NTRK1: variants seen among roughly 807,000 people sequenced by gnomAD.
NTRK1 encodes the protein neurotrophic receptor tyrosine kinase 1.
NTRK1 carries 62 observed loss-of-function variants against 86.8 expected under a neutral mutation model. The ratio of observed to expected loss-of-function variants is 0.71; its 90% CI spans 0.58 to 0.88. The LOEUF (loss-of-function observed/expected upper bound fraction) is 0.88. Ranked by LOEUF, NTRK1 falls within the 40% of genes least tolerant of loss-of-function variation. The pLI, the probability that NTRK1 is intolerant of heterozygous loss-of-function variation, is 0.00. For synonymous variants in NTRK1, 469 were observed against 456.6 expected (o/e 1.03, Z -0.35); for missense variants, 967 against 1,078.4 (o/e 0.90, Z 1.45).
intron 1 of NTRK1, among the ~76,000 whole-genome samples, chr1:156,839,358 G>T (rs1654692963): frequency 6.6e-6 from 1 of 152,270 alleles, no homozygotes; most frequent in African/African-American, 2.4e-5. Flanking sequence ...GCCCCTGGGG[G>T]CAGGAAGCTA....
chr1:156,833,091 A>G (rs1299242773), intron 1 of NTRK1, among the ~76,000 whole-genome samples: 1 of 152,250 alleles, frequency 6.6e-6, no homozygotes, highest in African/African-American at 2.4e-5. Context: ...TACACCAAGT[A>G]GGCAGCATGA....
intron 15 of NTRK1, 94 bp from the exon 16 acceptor site, chr1:156,879,905 T>C: frequency 6.7e-7 from 1 of 1,491,780 alleles, no homozygotes; most frequent in Non-Finnish European, 9.2e-7. Context: ...ACCGAGCTTG[T>C]GTATTTATTT....
intron 2 of NTRK1, chr1:156,846,603 G>A (rs762538907): frequency 7.4e-6 from 12 of 1,613,968 alleles, no homozygotes; most frequent in Admixed American, 3.3e-5. Flanking sequence ...GTGATGGCCC[G>A]CACAAACACT....
chr1:156,851,683 A>G (rs1488341681), intron 2 of NTRK1: 7 of 1,614,084 alleles, frequency 4.3e-6, no homozygotes, highest in South Asian at 1.1e-5. Context: ...TTCCCTCCAC[A>G]TGCGTGCAGC....
At chr1:156,815,989 C>T in intron 1 of NTRK1, 2 of 1,613,086 alleles carry the variant, frequency 1.2e-6, no homozygotes, top group Non-Finnish European at 1.7e-6. Context: ...ACGCTGCCGC[C>T]CCAGGTTTCC....
Position 156,839,023 on chromosome 1 carries a change from C to T in NTRK1, c.-63-3058C>T, listed in dbSNP as rs115937309. ...ACCCAGCAACAGAAGGCAGGGAAGC[C>T]CAAACTCCCCAACTTTTTCCCTTAG... On this transcript the variant is annotated intron_variant, in intron 1 of 16. Transcript: ENST00000392302. Among the ~76,000 whole-genome samples, 959 of 152,342 alleles carry T rather than the reference C, an allele frequency of 6.3e-3. 2 individuals are homozygous for T. Among genetic ancestry groups the T allele is most frequent in the Middle Eastern group, 0.027 (8 of 294 alleles).
At chr1:156,878,672 T>C (rs971948178) in intron 14 of NTRK1, among the ~76,000 whole-genome samples, 3 of 152,098 alleles carry the variant, frequency 2.0e-5, no homozygotes, top group African/African-American at 4.8e-5. Context: ...CCCGTAGGAA[T>C]GGCTGGACAC....
intron 6 of NTRK1, 148 bp from the exon 7 acceptor site, chr1:156,871,475 C>T (rs1647547312): frequency 1.3e-6 from 1 of 777,608 alleles, no homozygotes; most frequent in Non-Finnish European, 2.1e-6. Context: ...TTATCTGCTA[C>T]ATTCTCTCCC....
Position 156,868,505 on chromosome 1 carries a change from G to T in NTRK1, c.575G>T (p.Gly192Val). The change falls in exon 6 of 17, where the codon GGT becomes GTT. Residue 192 changes from glycine (G) to valine (V), a missense_variant and splice_region_variant. Gly to Val is a moderately radical substitution (Grantham distance 109). This residue lies in a region of NTRK1 where 330 missense variants were observed against 302.0 expected (regional missense o/e 1.09). Coordinates refer to ENST00000524377, the MANE Select transcript of NTRK1 (RefSeq NM_002529.4). ...GCCCTCGGGCGTCCTGGGTGGCCAG[G>T]TGTGCCCACGCTGAAGGTCCAGGTG... The part of the protein sequence containing the change: ...PLAHMPNASC[G>V]VPTLKVQVPN... The T allele has an allele frequency of 6.4e-7, 1 of 1,557,440 alleles. No individual in the cohort carries two copies. Among genetic ancestry groups the T allele is most frequent in the South Asian group, 1.2e-5 (1 of 84,472 alleles).
rs528459873 is a variant in NTRK1, at chr1:156,844,474, T to A, written c.50+2281T>A. ...AGGCTGTGTATACCTGGGCCAAGGATGTAGAAGGCAACACTGTCTGTCCAA... is the reference window on the plus strand; with the variant it reads ...AGGCTGTGTATACCTGGGCCAAGGAAGTAGAAGGCAACACTGTCTGTCCAA... On this transcript the variant is annotated intron_variant, in intron 2 of 16. Transcript: ENST00000392302. 1.9e-6 allele frequency: 3 copies of A among 1,613,788 alleles called. No homozygotes were observed. In the African/African-American group the frequency reaches 4.0e-5, roughly 22 times the overall value.
chr1:156,876,513 C>A lies in NTRK1; in HGVS notation c.1746C>A (p.Gly582=), dbSNP rs1057290550. The change falls in exon 14 of 17, where the codon GGC becomes GGA. Residue 582 remains glycine, a synonymous_variant. Transcript: ENST00000524377. ...IVRFFGVCTE[G]RPLLMVFEYM... is the part of the protein sequence containing the mutation. The stretch of plus-strand genomic sequence containing the variant: ...GCTTCTTCGGCGTCTGCACCGAGGG[C>A]CGCCCCCTGCTCATGGTCTTTGAGT... 1.9e-6 allele frequency: 3 copies of A among 1,613,618 alleles called. No individual in the cohort carries two copies. Among genetic ancestry groups the A allele is most frequent in the Non-Finnish European group, 2.5e-6 (3 of 1,180,006 alleles).
intron 11 of NTRK1, 60 bp downstream of exon 11, chr1:156,875,068 G>A (rs2102912799): frequency 8.1e-7 from 1 of 1,232,250 alleles, no homozygotes; most frequent in Non-Finnish European, 1.2e-6. Flanking sequence ...GTTTCCTACT[G>A]GCTCTTCCTG....
At chr1:156,877,352 A>G (rs1571700807) in intron 14 of NTRK1, among the ~76,000 whole-genome samples, 1 of 152,392 alleles carries the variant, frequency 6.6e-6, no homozygotes, top group South Asian at 2.1e-4. Context: ...CAACTCTGAT[A>G]CATTTATCTA....
intron 14 of NTRK1, among the ~76,000 whole-genome samples, chr1:156,877,342 C>G (rs2102921431): frequency 6.6e-6 from 1 of 152,356 alleles, no homozygotes; most frequent in South Asian, 2.1e-4. Context: ...TCGGACAGAA[C>G]AACTCTGATA....
chr1:156,852,034 G>A, intron 2 of NTRK1: 2 of 1,613,510 alleles, frequency 1.2e-6, no homozygotes, highest in South Asian at 2.2e-5. Flanking sequence ...ACTGGTAGGT[G>A]CCTGGCGGGC....
intron 1 of NTRK1, among the ~76,000 whole-genome samples, chr1:156,824,627 C>T (rs1310785020): frequency 6.6e-6 from 1 of 152,208 alleles, no homozygotes; most frequent in African/African-American, 2.4e-5. Context: ...TGGTCAGGCA[C>T]TTAGTCTCTG....
At chr1:156,845,295 C>T (rs1654952517) in intron 2 of NTRK1, 1 of 1,612,686 alleles carries the variant, frequency 6.2e-7, no homozygotes, top group African/African-American at 1.3e-5. Context: ...CGCCCTGAGT[C>T]CCTGGGGAGA....
chr1:156,879,971 G>A (rs1648156194), intron 15 of NTRK1, 28 bp from the exon 16 acceptor site: 5 of 1,611,230 alleles, frequency 3.1e-6, no homozygotes, highest in African/African-American at 1.3e-5. Context: ...GGCGCCCCTG[G>A]AATTGATGCA....
intron 6 of NTRK1, 98 bp downstream of exon 6, chr1:156,868,745 G>C: frequency 6.7e-7 from 1 of 1,494,998 alleles, no homozygotes; most frequent in Non-Finnish European, 9.0e-7. Context: ...AAGAGACAAC[G>C]AATAAGGAGC....
Sources: allele counts gnomAD v4.1 joint callset (sites outside exome capture counted in the v4.1 genomes callset), GRCh38; gene constraint gnomAD v4.1.1; regional missense constraint gnomAD v4.1.1; transcripts MANE v1.5; gene names NCBI Gene and HGNC (gene_info 2026-07-23, HGNC 2026-07-21).